The following NALCN variants were observed in gnomAD, a reference collection of about 807,000 sequenced individuals.
The protein encoded by NALCN is sodium leak channel, non-selective, also known as sodium leak channel NALCN.
In NALCN, 111 loss-of-function variants were observed where a neutral mutation model predicts 225.3. That is an observed-to-expected ratio of 0.49 (90% CI 0.42 to 0.58). The LOEUF is 0.58. Ranked by LOEUF, NALCN falls within the 20% of genes least tolerant of loss-of-function variation. The pLI is 0.00. For synonymous variants in NALCN, 764 were observed against 769.0 expected (o/e 0.99, Z 0.11); for missense variants, 1,378 against 2,202.4 (o/e 0.63, Z 7.49).
intron 7 of NALCN, among the ~76,000 whole-genome samples, chr13:101,317,984 T>C (rs1215406806): frequency 6.6e-6 from 1 of 152,118 alleles, no homozygotes; most frequent in African/African-American, 2.4e-5. Flanking sequence ...TTCTTTGTGG[T>C]TTTGTAGTAT....
chr13:101,068,427 C>G (rs1376941903), intron 38 of NALCN, among the ~76,000 whole-genome samples: 4 of 151,896 alleles, frequency 2.6e-5, no homozygotes, highest in African/African-American at 7.3e-5. Flanking sequence ...AGATAGTCCT[C>G]TCTGATATTT....
intron 3 of NALCN, among the ~76,000 whole-genome samples, chr13:101,392,753 T>C (rs2047181637): frequency 1.3e-5 from 2 of 152,172 alleles, no homozygotes; most frequent in South Asian, 4.1e-4. Flanking sequence ...TATGATCATA[T>C]GGAAGCATCA....
chr13:101,387,337 T>C (rs1283240453), intron 3 of NALCN, among the ~76,000 whole-genome samples: 2 of 151,252 alleles, frequency 1.3e-5, no homozygotes, highest in East Asian at 3.9e-4. Flanking sequence ...GGCTAACAGG[T>C]ACTGCTCACT....
At position 101,315,581 on chromosome 13, in the gene NALCN, C is replaced by T. The variant is rs369916294; in HGVS notation, c.800-23215G>A. ...ATTCTACATTAATTTAAGATATAAACAGCAGAAAACTTTCTTAGTAAGAAT... is the reference window on the plus strand; with the variant it reads ...ATTCTACATTAATTTAAGATATAAATAGCAGAAAACTTTCTTAGTAAGAAT... On this transcript the variant is annotated intron_variant, in intron 7 of 43. Transcript: ENST00000251127. Among the ~76,000 whole-genome samples, 5 of 152,234 alleles carry T rather than the reference C, an allele frequency of 3.3e-5. No homozygotes were observed. The East Asian group carries it at 5.8e-4, about 18-fold the overall frequency.
intron 37 of NALCN, 32 bp from the exon 38 acceptor site, chr13:101,068,859 A>T: frequency 6.4e-7 from 1 of 1,574,762 alleles, no homozygotes. Flanking sequence ...GAAGGAGAGG[A>T]TAAGAGTAGA....
At chr13:101,194,535 T>C (rs2140013750) in intron 13 of NALCN, among the ~76,000 whole-genome samples, 1 of 152,338 alleles carries the variant, frequency 6.6e-6, no homozygotes, top group South Asian at 2.1e-4. Flanking sequence ...CAAGTGCACT[T>C]ACTGACTTAC....
chr13:101,127,139 G>T (rs1053902150), intron 17 of NALCN, among the ~76,000 whole-genome samples: 1 of 152,154 alleles, frequency 6.6e-6, no homozygotes, highest in African/African-American at 2.4e-5. Flanking sequence ...AAACTTTTGG[G>T]ATAATATCTG....
chr13:101,083,258 C>A (rs533988947), intron 31 of NALCN, 60 bp from the exon 32 acceptor site: 1 of 1,361,802 alleles, frequency 7.3e-7, no homozygotes, highest in South Asian at 1.2e-5. Context: ...ACTTTCTTGT[C>A]GTTTATTTTC....
intron 15 of NALCN, among the ~76,000 whole-genome samples, chr13:101,170,060 T>C (rs1160661303): frequency 6.6e-6 from 1 of 151,906 alleles, no homozygotes. Context: ...ATGAACTCAA[T>C]ATAGGCGACA....
At position 101,068,691 on chromosome 13, in the gene NALCN, T is replaced by G. The variant is rs2032618161; in HGVS notation, c.4330+4A>C. 6.3e-7 allele frequency: 1 copy of G among 1,591,142 alleles called. No homozygotes were observed. On this transcript the variant is annotated splice_donor_region_variant and intron_variant, in intron 38 of 43. Transcript: ENST00000251127. ...GTAAAAAGTATTCAACTAACATCAC[T>G]TACCTACAAGCAGATTTAGCATGAT...
chr13:101,112,295 CCA>C (rs962757714), intron 18 of NALCN, among the ~76,000 whole-genome samples: 13 of 151,802 alleles, frequency 8.6e-5, no homozygotes, highest in Non-Finnish European at 1.5e-4. Context: ...CTTGTTTAAA[CCA>C]CGAAGACTTT....
chr13:101,111,507 T>A (rs1302545260), intron 18 of NALCN, among the ~76,000 whole-genome samples: 8 of 152,068 alleles, frequency 5.3e-5, no homozygotes, highest in Non-Finnish European at 8.8e-5. Flanking sequence ...CCAAAAATAA[T>A]GGTAGAGCTT....
intron 1 of NALCN, among the ~76,000 whole-genome samples, chr13:101,414,175 G>A (rs753810705): frequency 1.3e-5 from 2 of 151,996 alleles, no homozygotes; most frequent in Admixed American, 1.3e-4. Context: ...ATGAGCCACC[G>A]TGTGTGGCCT....
chr13:101,104,790 C>T lies in NALCN; in HGVS notation c.2636+104G>A, dbSNP rs2035011969. ...TTCCCCAATCATCTATTTCATAGCA[C>T]TATATAGCAAGAAAATAAAAGAGAA... On this transcript the variant is annotated intron_variant, in intron 23 of 43. Coordinates refer to ENST00000251127, the MANE Select transcript of NALCN (RefSeq NM_052867.4). The surrounding 1 kb of genome is among the most constrained non-coding windows in gnomAD (Gnocchi z 4.2). 8.4e-6 allele frequency: 13 copies of T among 1,550,654 alleles called. No homozygotes were observed. Among genetic ancestry groups the T allele is most frequent in the African/African-American group, 1.4e-5 (1 of 73,182 alleles).
At chr13:101,103,908 T>A (rs984490474) in intron 25 of NALCN, among the ~76,000 whole-genome samples, 3 of 152,228 alleles carry the variant, frequency 2.0e-5, no homozygotes, top group African/African-American at 7.2e-5. Context: ...TCACTTTAGT[T>A]TGCTTTCAGC....
intron 6 of NALCN, among the ~76,000 whole-genome samples, chr13:101,367,163 T>C (rs536068474): frequency 6.6e-6 from 1 of 152,092 alleles, no homozygotes; most frequent in African/African-American, 2.4e-5. Context: ...AAGTTGTATT[T>C]ATTCAATGGA....
intron 13 of NALCN, among the ~76,000 whole-genome samples, chr13:101,193,415 A>AAC (rs1364509406): frequency 6.6e-6 from 1 of 152,190 alleles, no homozygotes; most frequent in African/African-American, 2.4e-5. Flanking sequence ...CAAGGCCCAG[A>AAC]ACACAGTGGA....
intron 18 of NALCN, among the ~76,000 whole-genome samples, chr13:101,113,983 A>T (rs1380691642): frequency 6.6e-6 from 1 of 152,086 alleles, no homozygotes; most frequent in Non-Finnish European, 1.5e-5. Flanking sequence ...GGGAGGGGTG[A>T]GTAGGGAGGG....
chr13:101,314,128 A>G (rs958736475), intron 7 of NALCN, among the ~76,000 whole-genome samples: 1 of 125,690 alleles, frequency 8.0e-6, no homozygotes, highest in Non-Finnish European at 1.6e-5. Context: ...ACATGGACAC[A>G]GGAAGGCGAA....
Sources: allele counts gnomAD v4.1 joint callset (sites outside exome capture counted in the v4.1 genomes callset), GRCh38; gene constraint gnomAD v4.1.1; non-coding constraint Gnocchi (gnomAD v3.1); transcripts MANE v1.5; gene names NCBI Gene and HGNC (gene_info 2026-07-23, HGNC 2026-07-21).